Variants in ACBD6 observed in about 807,000 individuals in gnomAD.
ACBD6 encodes acyl-CoA binding domain containing 6, also known as acyl-CoA-binding domain-containing protein 6.
A neutral mutation model predicts 37.2 loss-of-function variants in ACBD6; 28 were observed. That is an observed-to-expected ratio of 0.75 (90% CI 0.56 to 1.03). The LOEUF (loss-of-function observed/expected upper bound fraction) is 1.03. ACBD6 is among the 50% of genes least tolerant of loss of function. The pLI, the probability that ACBD6 is intolerant of heterozygous loss-of-function variation, is 0.00. For missense variants in ACBD6, 340 were observed against 337.4 expected (o/e 1.01, Z -0.06); for synonymous variants, 113 against 126.8 (o/e 0.89, Z 0.73).
rs74865683 is a variant in ACBD6, at chr1:180,435,020, C to T, written c.385-4758G>A. The T allele has an allele frequency of 5.1e-3, 4,931 of 968,048 alleles. 153 individuals carry two copies. In the African/African-American group the frequency reaches 0.063, roughly 12 times the overall value. The allele number at this position is 968,048 out of a possible 1,614,324, so 60.0% of individuals were successfully genotyped here. A position where few individuals can be genotyped will look rare whatever the true frequency, so the allele number is the denominator to read the frequency against. On this transcript the variant is annotated intron_variant, in intron 3 of 7. Coordinates refer to ENST00000367595, the MANE Select transcript of ACBD6 (RefSeq NM_032360.4). Reference sequence around the variant, plus strand: ...TGACGTTTACAGAGAAATGGAACACCGACAATACACTAGGCACCGAGATTA... The same window carrying T: ...TGACGTTTACAGAGAAATGGAACACTGACAATACACTAGGCACCGAGATTA...
chr1:180,328,308 CAT>C (rs1032282081), intron 6 of ACBD6, among the ~76,000 whole-genome samples: 7 of 151,724 alleles, frequency 4.6e-5, no homozygotes, highest in Admixed American at 2.0e-4. Flanking sequence ...CACACACACA[CAT>C]ACATACACAC....
At chr1:180,353,785 CAAAAAAAAAA>C (rs56286672) in intron 6 of ACBD6, among the ~76,000 whole-genome samples, 1 of 19,754 alleles carries the variant, frequency 5.1e-5, no homozygotes, top group Non-Finnish European at 8.6e-5. Flanking sequence ...TTAACAACCA[CAAAAAAAAAA>C]AAAAAAAAAA....
chr1:180,419,954 T>C (rs1648285757), intron 4 of ACBD6, among the ~76,000 whole-genome samples: 1 of 152,222 alleles, frequency 6.6e-6, no homozygotes, highest in African/African-American at 2.4e-5. Flanking sequence ...TTTTATACAG[T>C]ACCAATCCTT....
intron 6 of ACBD6, among the ~76,000 whole-genome samples, chr1:180,370,764 T>C (rs1444313410): frequency 1.3e-5 from 2 of 152,074 alleles, no homozygotes; most frequent in African/African-American, 2.4e-5. Flanking sequence ...CAAACTCAGG[T>C]ATACAAATGT....
chr1:180,475,260 T>C (rs1650733293), intron 3 of ACBD6, among the ~76,000 whole-genome samples: 1 of 152,222 alleles, frequency 6.6e-6, no homozygotes, highest in East Asian at 1.9e-4. Flanking sequence ...GATGAACATA[T>C]ATATCCACCA....
At chr1:180,298,199 A>G (rs1333973005) in intron 7 of ACBD6, among the ~76,000 whole-genome samples, 2 of 152,258 alleles carry the variant, frequency 1.3e-5, no homozygotes, top group Non-Finnish European at 2.9e-5. Flanking sequence ...CTGTGAAAAA[A>G]AGGCTATTTA....
At chr1:180,468,434 T>C (rs1278388858) in intron 3 of ACBD6, among the ~76,000 whole-genome samples, 1 of 152,210 alleles carries the variant, frequency 6.6e-6, no homozygotes, top group South Asian at 2.1e-4. Flanking sequence ...AACTATATCC[T>C]AGAAGACTGC....
chr1:180,403,495 T>G (rs551370613), intron 5 of ACBD6, among the ~76,000 whole-genome samples: 5 of 152,186 alleles, frequency 3.3e-5, no homozygotes, highest in Non-Finnish European at 7.3e-5. Flanking sequence ...AAAGCAAGCA[T>G]AGTAAAATAT....
At chr1:180,466,109 T>C (rs887453922) in intron 3 of ACBD6, among the ~76,000 whole-genome samples, 20 of 152,172 alleles carry the variant, frequency 1.3e-4, no homozygotes, top group African/African-American at 4.8e-4. Flanking sequence ...TGTTTATCAA[T>C]GTAACAAACC....
intron 6 of ACBD6, among the ~76,000 whole-genome samples, chr1:180,340,068 G>A (rs972598904): frequency 5.3e-5 from 8 of 152,158 alleles, no homozygotes; most frequent in African/African-American, 1.4e-4. Flanking sequence ...CAGCATGTCT[G>A]AGGAACTGAG....
downstream of ACBD6, among the ~76,000 whole-genome samples, chr1:180,284,496 T>C (rs1358945555): frequency 6.6e-6 from 1 of 151,992 alleles, no homozygotes; most frequent in Non-Finnish European, 1.5e-5. Flanking sequence ...CCCAAGTAGC[T>C]GGGACTTACA....
chr1:180,336,802 A>G (rs1651740083), intron 6 of ACBD6, among the ~76,000 whole-genome samples: 1 of 152,240 alleles, frequency 6.6e-6, no homozygotes, highest in South Asian at 2.1e-4. Context: ...AAATAGATGC[A>G]ATAAAAAATG....
At chr1:180,476,412 A>G (rs1650787732) in intron 3 of ACBD6, among the ~76,000 whole-genome samples, 2 of 152,352 alleles carry the variant, frequency 1.3e-5, no homozygotes, top group East Asian at 3.9e-4. Context: ...TTTTAAAAAA[A>G]GAATGAAGTT....
In ACBD6 at chr1:180,424,050, T is replaced by G. The variant is rs903832156; in HGVS notation, c.467+6130A>C. Among the ~76,000 whole-genome samples the G allele has an allele frequency of 3.3e-5, 5 of 152,164 alleles. No homozygotes were observed. In the East Asian group the frequency reaches 9.6e-4, roughly 29 times the overall value. On this transcript the variant is annotated intron_variant, in intron 4 of 7. Transcript: ENST00000367595. ...GAAATTTTATTTTAAAAATTTTAAC[T>G]GAAGATACTCACCATATTAAATAGT... is the stretch of plus-strand genomic sequence containing the variant.
intron 6 of ACBD6, among the ~76,000 whole-genome samples, chr1:180,343,555 C>G (rs1194836170): frequency 1.3e-5 from 2 of 152,166 alleles, no homozygotes; most frequent in Non-Finnish European, 2.9e-5. Context: ...AGCTACTCCT[C>G]TTTATAAGTT....
chr1:180,462,575 A>T (rs528833455), intron 3 of ACBD6, among the ~76,000 whole-genome samples: 1 of 152,336 alleles, frequency 6.6e-6, no homozygotes, highest in Non-Finnish European at 1.5e-5. Flanking sequence ...ACCCAGATTC[A>T]TAAAGCAAGT....
chr1:180,375,403 G>A (rs1653396342), intron 6 of ACBD6, among the ~76,000 whole-genome samples: 1 of 152,062 alleles, frequency 6.6e-6, no homozygotes, highest in African/African-American at 2.4e-5. Flanking sequence ...ACAGCTAACT[G>A]CAGTCTCGAT....
At chr1:180,433,827 T>C (rs1441123600) in intron 3 of ACBD6, among the ~76,000 whole-genome samples, 1 of 151,928 alleles carries the variant, frequency 6.6e-6, no homozygotes, top group Non-Finnish European at 1.5e-5. Context: ...TTTCTGATTG[T>C]GGGTCACAAT....
chr1:180,490,864 G>A (rs538440016), intron 3 of ACBD6, among the ~76,000 whole-genome samples: 205 of 150,594 alleles, frequency 1.4e-3, no homozygotes, highest in Admixed American at 3.2e-3. Context: ...AGGCTGAAGT[G>A]GGAGAATCAC....
Sources: gnomAD v4.1 joint callset for allele counts (sites outside exome capture counted in the v4.1 genomes callset) on GRCh38, gnomAD v4.1.1 for gene constraint, MANE v1.5 for transcripts, NCBI Gene and HGNC (gene_info 2026-07-23, HGNC 2026-07-21) for gene names.